The following SNTG2 variants were observed in gnomAD, a reference collection of about 807,000 sequenced individuals.
The protein encoded by SNTG2 is gamma-2-syntrophin.
In SNTG2, 74 loss-of-function variants were observed where a neutral mutation model predicts 70.9. That is an observed-to-expected ratio of 1.04 (90% CI 0.86 to 1.27). The LOEUF (loss-of-function observed/expected upper bound fraction) is 1.27. SNTG2 is among the 50% of genes most tolerant of loss of function. The pLI is 0.00. For missense variants in SNTG2, 717 were observed against 690.7 expected (o/e 1.04, Z -0.43); for synonymous variants, 278 against 273.8 (o/e 1.02, Z -0.15).
intron 14 of SNTG2, among the ~76,000 whole-genome samples, chr2:1,273,269 G>C (rs958285874): frequency 2.0e-5 from 3 of 152,058 alleles, no homozygotes; most frequent in African/African-American, 7.3e-5. Flanking sequence ...TGCTCTCACA[G>C]AACACCAATC....
intron 8 of SNTG2, among the ~76,000 whole-genome samples, chr2:1,189,502 C>T (rs1234791632): frequency 1.3e-5 from 2 of 151,884 alleles, no homozygotes; most frequent in African/African-American, 4.8e-5. Context: ...ATTAAGACAG[C>T]ATTCAGGATC....
intron 8 of SNTG2, among the ~76,000 whole-genome samples, chr2:1,178,167 C>T (rs1038621460): frequency 1.3e-5 from 2 of 152,282 alleles, no homozygotes; most frequent in African/African-American, 4.8e-5. Flanking sequence ...AGTGAGTTGA[C>T]CATTGGGCTC....
chr2:1,164,602 A>C (rs904531451), intron 6 of SNTG2, among the ~76,000 whole-genome samples: 1 of 150,700 alleles, frequency 6.6e-6, no homozygotes, highest in African/African-American at 2.5e-5. Context: ...GTGAGATAGG[A>C]ACCTGCCCAA....
At chr2:1,358,475 A>G (rs1039840999) in intron 16 of SNTG2, among the ~76,000 whole-genome samples, 3 of 152,012 alleles carry the variant, frequency 2.0e-5, no homozygotes, top group Non-Finnish European at 4.4e-5. Flanking sequence ...CTTTTTTAAC[A>G]TAGGTGTTTA....
At chr2:1,346,657 G>A (rs1490149944) in intron 16 of SNTG2, 2 of 152,214 alleles carry the variant, frequency 1.3e-5, no homozygotes, top group Non-Finnish European at 2.9e-5. Flanking sequence ...ACTGCGACCT[G>A]GGGACACACA....
intron 1 of SNTG2, among the ~76,000 whole-genome samples, chr2:1,080,040 T>C (rs1243571547): frequency 6.6e-6 from 1 of 152,158 alleles, no homozygotes. Flanking sequence ...CTGCTCCTTA[T>C]TAGTGCCGCC....
At chr2:1,274,906 T>C (rs1679208399) in intron 14 of SNTG2, among the ~76,000 whole-genome samples, 1 of 152,224 alleles carries the variant, frequency 6.6e-6, no homozygotes, top group Non-Finnish European at 1.5e-5. Flanking sequence ...AGGGCTTATT[T>C]AGCTCATAGT....
intron 14 of SNTG2, among the ~76,000 whole-genome samples, chr2:1,276,765 A>G (rs1333432983): frequency 1.3e-5 from 2 of 152,224 alleles, no homozygotes; most frequent in Non-Finnish European, 2.9e-5. Context: ...CCCTCTGATG[A>G]GCAAGTAAAC....
intron 8 of SNTG2, among the ~76,000 whole-genome samples, chr2:1,179,125 C>T (rs914233317): frequency 6.6e-6 from 1 of 152,110 alleles, no homozygotes; most frequent in Admixed American, 6.6e-5. Flanking sequence ...TGGTAGTTTG[C>T]ATTTCTGTGG....
At chr2:1,248,223 TTAAG>T (rs1357204275) in intron 12 of SNTG2, among the ~76,000 whole-genome samples, 2 of 152,210 alleles carry the variant, frequency 1.3e-5, no homozygotes, top group Non-Finnish European at 2.9e-5. Flanking sequence ...GGATGGCTTT[TTAAG>T]TAAGCGTTTT....
intron 1 of SNTG2, among the ~76,000 whole-genome samples, chr2:1,055,991 G>T (rs142929344): frequency 3.3e-3 from 502 of 152,036 alleles, no homozygotes; most frequent in Middle Eastern, 0.017. Context: ...GCGGTGGGTC[G>T]CGGGGACTGC....
intron 1 of SNTG2, among the ~76,000 whole-genome samples, chr2:1,025,320 T>G (rs1660417409): frequency 6.6e-6 from 1 of 152,106 alleles, no homozygotes; most frequent in Non-Finnish European, 1.5e-5. Flanking sequence ...GTGCATGGAA[T>G]CCAGGCAGGG....
intron 8 of SNTG2, among the ~76,000 whole-genome samples, chr2:1,184,393 A>C (rs1672119268): frequency 6.6e-6 from 1 of 152,190 alleles, no homozygotes; most frequent in African/African-American, 2.4e-5. Flanking sequence ...AAACGTATAG[A>C]TTTTCAGACA....
At chr2:953,329 C>T (rs755149739) in intron 1 of SNTG2, among the ~76,000 whole-genome samples, 3 of 152,228 alleles carry the variant, frequency 2.0e-5, no homozygotes, top group African/African-American at 7.2e-5. Context: ...ATGTTTACAG[C>T]ACATTTGCTG....
chr2:1,186,497 A>C (rs1225163407), intron 8 of SNTG2, among the ~76,000 whole-genome samples: 1 of 152,194 alleles, frequency 6.6e-6, no homozygotes, highest in African/African-American at 2.4e-5. Context: ...TAATTTATCA[A>C]GAAAAGGGGT....
In SNTG2 at chr2:956,395, C is replaced by T. The variant is rs187253311; in HGVS notation, c.72+5327C>T. ...TGCCCTTCCCAGGCTGGAGCATAAC[C>T]ACTCACCCCGTGGCTGCATCCTTCC... On this transcript the variant is annotated intron_variant, in intron 1 of 16. Transcript: ENST00000308624. Among the ~76,000 whole-genome samples the T allele has an allele frequency of 2.4e-3, 371 of 152,372 alleles. 1 individual carries two copies. Among genetic ancestry groups the T allele is most frequent in the African/African-American group, 8.5e-3 (355 of 41,594 alleles).
At chr2:1,362,524 T>A (rs1477422565) in intron 16 of SNTG2, among the ~76,000 whole-genome samples, 1 of 151,996 alleles carries the variant, frequency 6.6e-6, no homozygotes, top group Non-Finnish European at 1.5e-5. Context: ...TCAGTAGAAC[T>A]TCCGTGAAAG....
chr2:1,222,080 T>G (rs1367103212), intron 9 of SNTG2, among the ~76,000 whole-genome samples: 2 of 12,730 alleles, frequency 1.6e-4, no homozygotes, highest in Non-Finnish European at 1.6e-4. Context: ...TCTGTCTCTG[T>G]CTCTGTCTCT....
At chr2:1,132,762 G>A (rs1036366732) in intron 4 of SNTG2, among the ~76,000 whole-genome samples, 2 of 152,108 alleles carry the variant, frequency 1.3e-5, no homozygotes, top group Non-Finnish European at 2.9e-5. Context: ...TACATGATAC[G>A]ATCCATTAAC....
Sources: gnomAD v4.1 joint callset for allele counts (sites outside exome capture counted in the v4.1 genomes callset) on GRCh38, gnomAD v4.1.1 for gene constraint, MANE v1.5 for transcripts, NCBI Gene and HGNC (gene_info 2026-07-23, HGNC 2026-07-21) for gene names.